The following ANKRD27 variants were observed in gnomAD, a reference collection of about 807,000 sequenced individuals.
ANKRD27 encodes ankyrin repeat domain 27, also known as ankyrin repeat domain-containing protein 27.
In ANKRD27, 112 loss-of-function variants were observed where a neutral mutation model predicts 129.7. That is an observed-to-expected ratio of 0.86 (90% confidence interval 0.74 to 1.01). ANKRD27 has a LOEUF of 1.01. Ranked by LOEUF, ANKRD27 falls within the 50% of genes least tolerant of loss-of-function variation. The pLI is 0.00. For synonymous variants in ANKRD27, 516 were observed against 511.2 expected (o/e 1.01, Z -0.13); for missense variants, 1,258 against 1,300.5 (o/e 0.97, Z 0.50).
intron 2 of ANKRD27, among the ~76,000 whole-genome samples, chr19:32,657,329 G>A (rs939393454): frequency 7.9e-5 from 12 of 151,972 alleles, no homozygotes; most frequent in African/African-American, 2.7e-4. Flanking sequence ...GGGTGTGGTG[G>A]CACACACCTG....
chr19:32,658,977 G>T lies in ANKRD27; in HGVS notation c.39C>A (p.Phe13Leu). 6.2e-7 allele frequency: 1 copy of T among 1,614,086 alleles called. No individual in the cohort carries two copies. Among genetic ancestry groups the T allele is most frequent in the East Asian group, 2.2e-5 (1 of 44,868 alleles). The part of the protein sequence containing the change: ...LYDEDLLKNP[F>L]YLALQKCRPD... ...GGCGGCACTTTTGCAGAGCCAGATA[G>T]AAAGGATTTTTCAGGAGGTCTTCAT... is the stretch of plus-strand genomic sequence containing the variant. The change falls in exon 2 of 29, where the codon TTC becomes TTA. Residue 13 changes from phenylalanine (F) to leucine (L), a missense_variant. Physicochemically the swap from Phe to Leu is conservative, Grantham distance 22. Coordinates refer to ENST00000306065, the MANE Select transcript of ANKRD27 (RefSeq NM_032139.3).
chr19:32,625,491 T>G (rs1265729810), intron 17 of ANKRD27, among the ~76,000 whole-genome samples: 2 of 151,002 alleles, frequency 1.3e-5, no homozygotes, highest in Non-Finnish European at 2.9e-5. Context: ...AGTACAATGG[T>G]GCCATCTTGG....
chr19:32,603,051 C>A (rs1444473426), intron 25 of ANKRD27, among the ~76,000 whole-genome samples: 1 of 152,126 alleles, frequency 6.6e-6, no homozygotes, highest in East Asian at 1.9e-4. Flanking sequence ...GTAATCCCAG[C>A]ACTTCGGGAT....
At chr19:32,649,552 G>A (rs1045410104) in intron 3 of ANKRD27, 130 bp downstream of exon 3, 18 of 695,394 alleles carry the variant, frequency 2.6e-5, no homozygotes, top group African/African-American at 8.9e-5. Context: ...AGCCCCCCAC[G>A]GGGCTGCAGT....
intron 26 of ANKRD27, among the ~76,000 whole-genome samples, chr19:32,601,128 G>A (rs1469482035): frequency 1.3e-5 from 2 of 150,650 alleles, no homozygotes; most frequent in Non-Finnish European, 3.0e-5. Context: ...GTGAAACCCT[G>A]TCTCTACTAA....
chr19:32,632,584 CAA>C (rs531083631), intron 12 of ANKRD27, among the ~76,000 whole-genome samples: 4,913 of 105,146 alleles, frequency 0.047, 191 homozygotes, highest in African/African-American at 0.16. Context: ...GACTCCATCT[CAA>C]AAAAAAAAAA....
chr19:32,622,290 C>G (rs1011058319), intron 18 of ANKRD27, 132 bp downstream of exon 18: 3 of 916,620 alleles, frequency 3.3e-6, no homozygotes, highest in Non-Finnish European at 3.4e-6. Context: ...GTCCCACATG[C>G]GGCAGAAAGG....
At chr19:32,671,034 A>T (rs945807312) in intron 1 of ANKRD27, among the ~76,000 whole-genome samples, 5 of 152,246 alleles carry the variant, frequency 3.3e-5, no homozygotes, top group East Asian at 3.9e-4. Context: ...AGTGGCTCAC[A>T]CCTGTAATCT....
chr19:32,649,335 C>T (rs1967365875), intron 3 of ANKRD27, among the ~76,000 whole-genome samples: 1 of 152,198 alleles, frequency 6.6e-6, no homozygotes, highest in Non-Finnish European at 1.5e-5. Flanking sequence ...GACCAAGACA[C>T]TGACAAGCTT....
At chr19:32,616,313 G>A (rs111269724) in intron 21 of ANKRD27, among the ~76,000 whole-genome samples, 267 of 152,250 alleles carry the variant, frequency 1.8e-3, no homozygotes, top group Non-Finnish European at 3.3e-3. Context: ...AGCATTTGGG[G>A]AGGCCTAAGC....
chr19:32,670,009 A>G (rs1967836634), intron 1 of ANKRD27, among the ~76,000 whole-genome samples: 1 of 150,332 alleles, frequency 6.7e-6, no homozygotes, highest in African/African-American at 2.5e-5. Context: ...AAAAAAAAAA[A>G]GAAAGAAAAT....
rs1308928336 is a variant in ANKRD27 at position 32,640,315 on chromosome 19, G to T, written c.975C>A (p.Ile325=). ...TTAAAAGAAAATGTTACCAATTAGG[G>T]ATCTCCGTTTTCACAAGCAAGTATA... is the stretch of plus-strand genomic sequence containing the variant. The part of the protein sequence containing the change: ...VLLYLLVKTE[I]PNWMANLSYI... The change falls in exon 11 of 29, where the codon ATC becomes ATA. Residue 325 remains isoleucine, a synonymous_variant. Coordinates refer to ENST00000306065, the MANE Select transcript of ANKRD27 (RefSeq NM_032139.3). 2 of 1,613,372 alleles carry T rather than the reference G, an allele frequency of 1.2e-6. No individual in the cohort carries two copies.
chr19:32,648,690 C>T (rs1231374779), intron 3 of ANKRD27, among the ~76,000 whole-genome samples: 1 of 151,904 alleles, frequency 6.6e-6, no homozygotes, highest in East Asian at 1.9e-4. Context: ...GTCCCAGCTA[C>T]TCGGGAGGCT....
chr19:32,602,163 TA>T, intron 25 of ANKRD27, 37 bp from the exon 26 acceptor site: 2 of 1,293,016 alleles, frequency 1.5e-6, no homozygotes, highest in Non-Finnish European at 2.2e-6. Flanking sequence ...GTAATGTTTT[TA>T]TTCTTTTTTA....
At position 32,641,764 on chromosome 19, in the gene ANKRD27, C is replaced by CTTTTTTT. The variant is rs35422369; in HGVS notation, c.904+259_904+260insAAAAAAA. On this transcript the variant is annotated intron_variant, in intron 10 of 28. Coordinates refer to ENST00000306065, the MANE Select transcript of ANKRD27 (RefSeq NM_032139.3). The stretch of plus-strand genomic sequence containing the variant: ...TTTCTTGACTTGTTTTCTTTTACTT[C>CTTTTTTT]TTCTTTTTTTTTTTTTTTTTTGAGA... Among the ~76,000 whole-genome samples the CTTTTTTT allele has an allele frequency of 8.8e-5, 7 of 79,724 alleles. 2 individuals are homozygous for CTTTTTTT. The highest frequency in any genetic ancestry group is 1.4e-4 in the African/African-American group (2 of 14,170). 52.3% of individuals were successfully genotyped at this position (79,724 alleles called of 152,430 possible).
At chr19:32,612,267 C>T (rs1380354979) in intron 22 of ANKRD27, among the ~76,000 whole-genome samples, 2 of 152,140 alleles carry the variant, frequency 1.3e-5, no homozygotes, top group African/African-American at 4.8e-5. Context: ...TTCATGAAGA[C>T]TCAACATACG....
intron 1 of ANKRD27, among the ~76,000 whole-genome samples, chr19:32,662,862 GT>G (rs1967672782): frequency 6.6e-6 from 1 of 152,088 alleles, no homozygotes; most frequent in African/African-American, 2.4e-5. Flanking sequence ...GGACAACATG[GT>G]GAAACCCCGT....
intron 1 of ANKRD27, among the ~76,000 whole-genome samples, chr19:32,663,046 A>G (rs1239042283): frequency 6.6e-6 from 1 of 152,218 alleles, no homozygotes; most frequent in Admixed American, 6.5e-5. Flanking sequence ...TGTCTCAAAG[A>G]CAAAACAAAA....
At chr19:32,654,575 T>C (rs1156990331) in intron 2 of ANKRD27, among the ~76,000 whole-genome samples, 3 of 152,232 alleles carry the variant, frequency 2.0e-5, no homozygotes, top group Non-Finnish European at 2.9e-5. Flanking sequence ...GGGGCCGGCA[T>C]GGGCCAGCAA....
Sources: gnomAD v4.1 joint callset for allele counts (sites outside exome capture counted in the v4.1 genomes callset) on GRCh38, gnomAD v4.1.1 for gene constraint, MANE v1.5 for transcripts, NCBI Gene and HGNC (gene_info 2026-07-23, HGNC 2026-07-21) for gene names.